The following TRPM6 variants were observed in gnomAD, a reference collection of about 807,000 sequenced individuals.
The protein encoded by TRPM6 is channel kinase 2.
A neutral mutation model predicts 247.6 loss-of-function variants in TRPM6; 111 were observed. That is an observed-to-expected ratio of 0.45 (90% confidence interval 0.38 to 0.52). The LOEUF (loss-of-function observed/expected upper bound fraction) is 0.52, where lower values mean the gene tolerates loss of function less well. Among genes scored for constraint, TRPM6 ranks in the 20% least tolerant of loss-of-function variants. The pLI is 0.00. For synonymous variants in TRPM6, 892 were observed against 853.8 expected, an observed-to-expected ratio of 1.04 and a Z score of -0.78; for missense variants, 2,126 against 2,421.5, an observed-to-expected ratio of 0.88 and a Z score of 2.56.
At chr9:74,796,954 A>G (rs1247199734) in intron 17 of TRPM6, 61 bp from the exon 18 acceptor site, 1 of 1,429,482 alleles carries the variant, frequency 7.0e-7, no homozygotes, top group Non-Finnish European at 9.8e-7. Context: ...TACTAGACAA[A>G]TAACAAAATT....
Position 74,800,418 on chromosome 9 carries a change from T to C in TRPM6, c.2074A>G (p.Met692Val). ...KAFKQNERMA[M>V]TLLTYELRNW... ...CTGAGTTCATACGTCAACAGCGTCA[T>C]GGCCATGCGCTCATTCTGCTTGAAT... Residue 692 changes from methionine (M) to valine (V), a missense_variant, in exon 17 of 39, where the codon ATG (methionine) becomes GTG (valine). By Grantham distance (21) the Met-to-Val change is conservative. This residue lies in a region of TRPM6 where 1,082 missense variants were observed against 1,307.9 expected (regional missense o/e 0.83). Coordinates refer to ENST00000360774, the MANE Select transcript of TRPM6 (RefSeq NM_017662.5). 1.2e-6 allele frequency: 2 copies of C among 1,614,068 alleles called. No homozygotes were observed. Among genetic ancestry groups the C allele is most frequent in the East Asian group, 4.5e-5 (2 of 44,858 alleles).
chr9:74,849,749 A>T (rs964209454), intron 3 of TRPM6, among the ~76,000 whole-genome samples: 1 of 152,226 alleles, frequency 6.6e-6, no homozygotes, highest in African/African-American at 2.4e-5. Flanking sequence ...GGAAGCATCT[A>T]GGAAGCGATG....
rs12349050 is a variant in TRPM6, at chr9:74,802,035, A to G, written c.1872T>C (p.Ala624=). 0.017 allele frequency: 27,778 copies of G among 1,614,112 alleles called. 3,772 individuals are homozygous for G. The African/African-American group carries it at 0.31, about 18-fold the overall frequency. Residue 624 remains alanine, a synonymous_variant, in exon 16 of 39, where the codon GCT becomes GCC. Coordinates refer to ENST00000360774, the MANE Select transcript of TRPM6 (RefSeq NM_017662.5). ...CCTCTCCATGCTGCCAGAAGAACAT[A>G]GCCATCTTCTGCCTTTTCATCAGCA... ...WAVLMKRQKM[A]MFFWQHGEEA...
intron 18 of TRPM6, among the ~76,000 whole-genome samples, chr9:74,796,202 G>A (rs1305685096): frequency 6.6e-6 from 1 of 152,128 alleles, no homozygotes; most frequent in African/African-American, 2.4e-5. Flanking sequence ...AAGAAAGATT[G>A]TTGTTATGAT....
At chr9:74,862,001 T>G (rs1165410257) in intron 1 of TRPM6, among the ~76,000 whole-genome samples, 1 of 151,318 alleles carries the variant, frequency 6.6e-6, no homozygotes, top group East Asian at 2.0e-4. Context: ...TGTATACTAT[T>G]TTCCCTCCAA....
intron 1 of TRPM6, among the ~76,000 whole-genome samples, chr9:74,878,470 C>T (rs1337528944): frequency 6.6e-6 from 1 of 152,220 alleles, no homozygotes; most frequent in Non-Finnish European, 1.5e-5. Context: ...AAAGCCTCCA[C>T]TAACAATCAC....
chr9:74,800,600 C>A, intron 16 of TRPM6, 118 bp from the exon 17 acceptor site: 55 of 686,814 alleles, frequency 8.0e-5, no homozygotes, highest in Non-Finnish European at 1.2e-4. Flanking sequence ...CAGAAAATAT[C>A]AATTCATAAG....
Position 74,723,300 on chromosome 9 carries a change from T to A in TRPM6, c.*1313A>T, listed in dbSNP as rs1237379815. On this transcript the variant is annotated 3_prime_UTR_variant, in exon 39 of 39. Transcript: ENST00000360774. ...GAAGGAAGCAAACACCTGTGAAACATGTTTTCAGTCTGAAACCGTATCTTT... is the reference window on the plus strand; with the variant it reads ...GAAGGAAGCAAACACCTGTGAAACAAGTTTTCAGTCTGAAACCGTATCTTT... 1 of 152,110 alleles carries A rather than the reference T, an allele frequency of 6.6e-6. No individual in the cohort carries two copies. Among genetic ancestry groups the A allele is most frequent in the Non-Finnish European group, 1.5e-5 (1 of 68,022 alleles). The allele number at this position is 152,110 out of a possible 1,614,324, so 9.4% of individuals were successfully genotyped here. A position where few individuals can be genotyped will look rare whatever the true frequency, so the allele number is the denominator to read the frequency against.
Position 74,722,855 on chromosome 9 carries a change from A to C in TRPM6, c.*1758T>G, listed in dbSNP as rs41308886. 11 of 152,324 alleles carry C rather than the reference A, an allele frequency of 7.2e-5. No individual in the cohort carries two copies. Among genetic ancestry groups the C allele is most frequent in the Non-Finnish European group, 1.5e-4 (10 of 68,020 alleles). The allele number at this position is 152,324 out of a possible 1,614,324, so 9.4% of individuals were successfully genotyped here. A position where few individuals can be genotyped will look rare whatever the true frequency, so the allele number is the denominator to read the frequency against. ...TGGCAAACTAAATTCTTGGTTTTCC[A>C]CCTTCCTTTTCAACATTTCCCCTGT... is the stretch of plus-strand genomic sequence containing the variant. On this transcript the variant is annotated 3_prime_UTR_variant, in exon 39 of 39. Coordinates refer to ENST00000360774, the MANE Select transcript of TRPM6 (RefSeq NM_017662.5).
At chr9:74,752,241 G>T in intron 29 of TRPM6, 36 bp downstream of exon 29, 2 of 1,301,982 alleles carry the variant, frequency 1.5e-6, no homozygotes, top group Non-Finnish European at 2.2e-6. Flanking sequence ...CTGCATGCTC[G>T]AATGCTTTTT....
chr9:74,744,231 T>C (rs746692381), intron 31 of TRPM6, 86 bp from the exon 32 acceptor site: 18 of 1,402,852 alleles, frequency 1.3e-5, no homozygotes, highest in Non-Finnish European at 1.7e-5. Context: ...AAAGTTATTA[T>C]TGAACAGGTT....
intron 7 of TRPM6, among the ~76,000 whole-genome samples, chr9:74,827,323 C>A (rs990894770): frequency 6.6e-6 from 1 of 151,934 alleles, no homozygotes; most frequent in Non-Finnish European, 1.5e-5. Flanking sequence ...AACTGTCACC[C>A]ACAAGTCTGC....
At chr9:74,840,340 A>T in intron 4 of TRPM6, 103 bp from the exon 5 acceptor site, 1 of 756,474 alleles carries the variant, frequency 1.3e-6, no homozygotes, top group Admixed American at 2.0e-5. Context: ...GCCAAAATCT[A>T]AAAGGAAGTA....
intron 1 of TRPM6, among the ~76,000 whole-genome samples, chr9:74,882,694 A>G (rs561541324): frequency 6.6e-6 from 1 of 152,356 alleles, no homozygotes; most frequent in South Asian, 2.1e-4. Context: ...TATGGAAAAC[A>G]GTAATGGAGG....
chr9:74,805,223 T>C (rs1408694932), intron 14 of TRPM6, among the ~76,000 whole-genome samples: 2 of 152,246 alleles, frequency 1.3e-5, no homozygotes, highest in African/African-American at 4.8e-5. Context: ...TGTTAGTTTT[T>C]GATACTTAAG....
At chr9:74,881,342 T>C (rs186819366) in intron 1 of TRPM6, among the ~76,000 whole-genome samples, 1 of 152,018 alleles carries the variant, frequency 6.6e-6, no homozygotes, top group Admixed American at 6.6e-5. Context: ...ACAAAAAATG[T>C]AATTATATAA....
intron 30 of TRPM6, among the ~76,000 whole-genome samples, chr9:74,748,749 C>T (rs1187436856): frequency 6.6e-6 from 1 of 152,042 alleles, no homozygotes; most frequent in Non-Finnish European, 1.5e-5. Context: ...AAATGTTTTA[C>T]AGTTTATCAA....
intron 21 of TRPM6, among the ~76,000 whole-genome samples, chr9:74,785,594 C>T (rs1323964324): frequency 6.6e-6 from 1 of 152,114 alleles, no homozygotes; most frequent in Non-Finnish European, 1.5e-5. Context: ...GCAATCTCGG[C>T]TCACTGCAAG....
At chr9:74,794,934 GACT>G (rs1474934576) in intron 18 of TRPM6, among the ~76,000 whole-genome samples, 4 of 116,260 alleles carry the variant, frequency 3.4e-5, no homozygotes, top group Non-Finnish European at 5.0e-5. Flanking sequence ...TTAAAATTAT[GACT>G]ACAACAATAA....
Sources: allele counts gnomAD v4.1 joint callset (sites outside exome capture counted in the v4.1 genomes callset), GRCh38; gene constraint gnomAD v4.1.1; regional missense constraint gnomAD v4.1.1; transcripts MANE v1.5; gene names NCBI Gene and HGNC (gene_info 2026-07-23, HGNC 2026-07-21).